Variants in SCNN1B observed in about 807,000 individuals in gnomAD.
SCNN1B encodes the protein epithelial sodium channel subunit beta.
In SCNN1B, 46 loss-of-function variants were observed where a neutral mutation model predicts 65.3. The observed-to-expected ratio is 0.70, with a 90% CI of 0.56 to 0.90. SCNN1B has a LOEUF of 0.90. SCNN1B is among the 40% of genes least tolerant of loss of function. The pLI is 0.00. For synonymous variants in SCNN1B, 349 were observed against 330.6 expected (o/e 1.06, Z -0.60); for missense variants, 751 against 830.5 (o/e 0.90, Z 1.18).
At chr16:23,352,278 T>A (rs564417273) in intron 2 of SCNN1B, among the ~76,000 whole-genome samples, 42 of 152,280 alleles carry the variant, frequency 2.8e-4, no homozygotes, top group Middle Eastern at 6.8e-3. Flanking sequence ...CATGGGTGGG[T>A]GGACGGAGAG....
At chr16:23,286,268 C>A (rs1960848977) in intron 2 of SCNN1B, among the ~76,000 whole-genome samples, 1 of 152,176 alleles carries the variant, frequency 6.6e-6, no homozygotes, top group African/African-American at 2.4e-5. Flanking sequence ...AAATGATTGA[C>A]TCAGACAATG....
intron 4 of SCNN1B, among the ~76,000 whole-genome samples, 185 bp downstream of exon 4, chr16:23,355,674 G>T (rs1962405966): frequency 6.6e-6 from 1 of 152,206 alleles, no homozygotes; most frequent in East Asian, 1.9e-4. Flanking sequence ...CCTGAGGCAG[G>T]GATGTATTGA....
chr16:23,300,148 A>G (rs1246914107), upstream of SCNN1B, among the ~76,000 whole-genome samples: 1 of 152,158 alleles, frequency 6.6e-6, no homozygotes, highest in African/African-American at 2.4e-5. Flanking sequence ...CAATGAGAAC[A>G]CATGGACACA....
intron 1 of SCNN1B, among the ~76,000 whole-genome samples, chr16:23,315,061 G>T (rs937697056): frequency 4.6e-5 from 7 of 152,350 alleles, no homozygotes; most frequent in Admixed American, 4.6e-4. Context: ...CACCGGCTGG[G>T]TGCGGTGGCT....
At chr16:23,372,148 T>C (rs991052226) in intron 7 of SCNN1B, 24 of 542,416 alleles carry the variant, frequency 4.4e-5, no homozygotes, top group Middle Eastern at 5.1e-4. Context: ...CTCTGGGGTT[T>C]CCCAAGATGA....
intron 1 of SCNN1B, among the ~76,000 whole-genome samples, chr16:23,317,659 C>T (rs765439557): frequency 6.6e-6 from 1 of 152,176 alleles, no homozygotes; most frequent in African/African-American, 2.4e-5. Flanking sequence ...TTCCCCAGAG[C>T]GGCTGGCACA....
intron 1 of SCNN1B, chr16:23,304,011 T>C (rs1166142715): frequency 6.9e-7 from 1 of 1,439,550 alleles, no homozygotes. Context: ...TGCTGCTGCA[T>C]ATAAACCCAG....
intron 8 of SCNN1B, 48 bp from the exon 9 acceptor site, chr16:23,377,117 T>C: frequency 6.4e-7 from 1 of 1,566,616 alleles, no homozygotes; most frequent in South Asian, 1.1e-5. Context: ...CAGGGGCACC[T>C]AAAAAGCCCC....
At chr16:23,330,026 CAA>C (rs201372944) in intron 1 of SCNN1B, among the ~76,000 whole-genome samples, 23 of 91,822 alleles carry the variant, frequency 2.5e-4, no homozygotes, top group Admixed American at 3.6e-4. Context: ...GACCCTGTCT[CAA>C]AAAAAAAAAA....
intron 1 of SCNN1B, among the ~76,000 whole-genome samples, chr16:23,304,284 T>C (rs144178620): frequency 1.1e-3 from 168 of 150,480 alleles, no homozygotes; most frequent in African/African-American, 4.0e-3. Flanking sequence ...TGTGTGTACA[T>C]ATGCATGTTC....
chr16:23,372,778 C>T (rs535835963), intron 7 of SCNN1B, among the ~76,000 whole-genome samples: 1 of 151,056 alleles, frequency 6.6e-6, no homozygotes, highest in African/African-American at 2.4e-5. Flanking sequence ...AGGCATGAGC[C>T]ACCGCACCCG....
chr16:23,333,131 GAGGGAGGAAGGAAGGAAAGA>G (rs1349031799), intron 1 of SCNN1B, among the ~76,000 whole-genome samples: 2 of 93,438 alleles, frequency 2.1e-5, no homozygotes, highest in African/African-American at 1.0e-4. Flanking sequence ...GGGAGGGAGG[GAGGGAGGAAGGAAGGAAAGA>G]AGGAAGGAAG....
At chr16:23,367,809 A>G in intron 4 of SCNN1B, 47 bp from the exon 5 acceptor site, 1 of 1,437,226 alleles carries the variant, frequency 7.0e-7, no homozygotes. Context: ...CGGGGGAGGC[A>G]TTGCCTGTGG....
Position 23,348,537 on chromosome 16 carries a change from C to G in SCNN1B, c.-8-55C>G. ...CAGTTCCTGGACGTGACTGGGACAT[C>G]CTCGCAGGCAAGGCTGGTGTCCCAG... is the stretch of plus-strand genomic sequence containing the variant. On this transcript the variant is annotated intron_variant, in intron 1 of 12. Transcript: ENST00000343070. This position sits in a 1 kb window ranked among gnomAD's most constrained non-coding sequence, Gnocchi z 4.5. 6.3e-7 allele frequency: 1 copy of G among 1,582,490 alleles called. No individual in the cohort carries two copies. Among genetic ancestry groups the G allele is most frequent in the Non-Finnish European group, 8.6e-7 (1 of 1,157,488 alleles).
chr16:23,306,424 C>G (rs1323610466), intron 1 of SCNN1B, among the ~76,000 whole-genome samples: 1 of 152,086 alleles, frequency 6.6e-6, no homozygotes, highest in African/African-American at 2.4e-5. Flanking sequence ...ACTGTCTAAC[C>G]ATTGCTGATG....
At chr16:23,349,613 G>T (rs546316629) in intron 2 of SCNN1B, among the ~76,000 whole-genome samples, 2 of 152,222 alleles carry the variant, frequency 1.3e-5, no homozygotes, top group East Asian at 3.9e-4. Flanking sequence ...CTTCAGGCAG[G>T]CCAGTGCCTA....
chr16:23,301,366 A>AAAAAAAAAG (rs796515589), upstream of SCNN1B, among the ~76,000 whole-genome samples: 201 of 146,798 alleles, frequency 1.4e-3, 1 homozygote, highest in African/African-American at 5.1e-3. Context: ...TGTCAAAAAA[A>AAAAAAAAAG]AAAGAAAGAA....
At chr16:23,337,632 C>T (rs1189415157) in intron 1 of SCNN1B, among the ~76,000 whole-genome samples, 2 of 152,026 alleles carry the variant, frequency 1.3e-5, no homozygotes, top group Non-Finnish European at 2.9e-5. Flanking sequence ...CTCACCTCGG[C>T]CTCCCAAAGT....
At position 23,358,699 on chromosome 16, in the gene SCNN1B, G is replaced by A. The variant is rs183137729; in HGVS notation, c.776+3210G>A. On this transcript the variant is annotated intron_variant, in intron 4 of 12. Transcript: ENST00000343070. ...AAGCTGGCAGATCGCTTGAGACCAG[G>A]GGTTCGAGACCAGCCTGGACAACAA... Among the ~76,000 whole-genome samples, 87 of 152,246 alleles carry A rather than the reference G, an allele frequency of 5.7e-4. 2 individuals are homozygous for A. Among genetic ancestry groups the A allele is most frequent in the Middle Eastern group, 6.8e-3 (2 of 294 alleles).
Sources: gnomAD v4.1 joint callset for allele counts (sites outside exome capture counted in the v4.1 genomes callset) on GRCh38, gnomAD v4.1.1 for gene constraint, Gnocchi (gnomAD v3.1) non-coding constraint, MANE v1.5 for transcripts, NCBI Gene and HGNC (gene_info 2026-07-23, HGNC 2026-07-21) for gene names.